PSD3: variants seen among roughly 807,000 people sequenced by gnomAD.
The protein encoded by PSD3 is PH and SEC7 domain-containing protein 3.
PSD3 carries 49 observed loss-of-function variants against 105.5 expected under a neutral mutation model. The ratio of observed to expected loss-of-function variants is 0.46; its 90% CI spans 0.37 to 0.59. The LOEUF is 0.59. PSD3 is among the 20% of genes least tolerant of loss of function. The probability of loss-of-function intolerance (pLI) is 0.00; values close to 1 mark genes in which losing one functional copy is unlikely to be tolerated. For missense variants in PSD3, 1,561 were observed against 1,263.8 expected (o/e 1.24, Z -3.57); for synonymous variants, 557 against 457.8 (o/e 1.22, Z -2.77).
intron 9 of PSD3, among the ~76,000 whole-genome samples, chr8:18,718,544 C>T (rs529138543): frequency 2.0e-4 from 31 of 152,180 alleles, no homozygotes; most frequent in Non-Finnish European, 3.2e-4. Context: ...ATTTTTAAAA[C>T]TTTACAGATT....
intron 4 of PSD3, among the ~76,000 whole-genome samples, chr8:18,844,684 T>C (rs1357534026): frequency 6.6e-6 from 1 of 152,212 alleles, no homozygotes; most frequent in Non-Finnish European, 1.5e-5. Flanking sequence ...ATGGATTGCT[T>C]TCTCAGGGAA....
chr8:18,736,154 A>C (rs565969811), intron 9 of PSD3, among the ~76,000 whole-genome samples: 1 of 152,174 alleles, frequency 6.6e-6, no homozygotes, highest in Non-Finnish European at 1.5e-5. Flanking sequence ...TATCTCACGT[A>C]ATTTCTATAA....
chr8:18,618,911 C>A (rs1045901336), intron 11 of PSD3, among the ~76,000 whole-genome samples: 3 of 152,008 alleles, frequency 2.0e-5, no homozygotes, highest in Non-Finnish European at 2.9e-5. Flanking sequence ...TGGTGGAATA[C>A]GCTTATCCAT....
chr8:18,747,115 C>T (rs765724196), intron 9 of PSD3, among the ~76,000 whole-genome samples: 2 of 152,180 alleles, frequency 1.3e-5, no homozygotes, highest in Non-Finnish European at 2.9e-5. Context: ...GCTTCTCAAA[C>T]GTAAATAATG....
chr8:18,997,462 G>A (rs1826141844), intron 1 of PSD3, among the ~76,000 whole-genome samples: 1 of 151,784 alleles, frequency 6.6e-6, no homozygotes, highest in Admixed American at 6.6e-5. Flanking sequence ...CCTCCCAACT[G>A]GTTTTCCTAC....
chr8:19,065,340 G>C (rs1350099303), intron 1 of PSD3, among the ~76,000 whole-genome samples: 1 of 152,098 alleles, frequency 6.6e-6, no homozygotes, highest in Non-Finnish European at 1.5e-5. Context: ...AATCAGCTCT[G>C]CGGTGGACAT....
At chr8:18,988,899 A>C (rs1317716514) in intron 1 of PSD3, among the ~76,000 whole-genome samples, 1 of 152,220 alleles carries the variant, frequency 6.6e-6, no homozygotes. Flanking sequence ...CGGGAATGTA[A>C]GCGCTTGCCA....
intron 10 of PSD3, among the ~76,000 whole-genome samples, chr8:18,653,226 T>C (rs1193513062): frequency 2.6e-5 from 4 of 152,210 alleles, no homozygotes; most frequent in African/African-American, 7.2e-5. Flanking sequence ...ATACTTGTGA[T>C]CATTTCATCC....
At chr8:18,568,813 G>A (rs913622886) in intron 14 of PSD3, among the ~76,000 whole-genome samples, 21 of 151,264 alleles carry the variant, frequency 1.4e-4, no homozygotes, top group Admixed American at 2.0e-4. Flanking sequence ...CCACTAACTC[G>A]TCATCTAGCA....
At chr8:18,604,263 C>A (rs1007954808) in intron 11 of PSD3, among the ~76,000 whole-genome samples, 4 of 152,198 alleles carry the variant, frequency 2.6e-5, no homozygotes, top group African/African-American at 9.6e-5. Flanking sequence ...TTACTGGGAA[C>A]TGGAGTACAA....
chr8:18,862,695 T>C (rs544270373), intron 4 of PSD3, among the ~76,000 whole-genome samples: 6 of 151,742 alleles, frequency 4.0e-5, no homozygotes, highest in Non-Finnish European at 8.8e-5. Flanking sequence ...TATATTATAT[T>C]AAAGTGACTT....
At chr8:19,081,875 G>A (rs998692037) in intron 1 of PSD3, among the ~76,000 whole-genome samples, 1 of 152,272 alleles carries the variant, frequency 6.6e-6, no homozygotes. Context: ...TAGGAATGGA[G>A]TTTCCTTCCC....
chr8:19,036,106 G>A (rs570530691), intron 1 of PSD3, among the ~76,000 whole-genome samples: 2 of 152,186 alleles, frequency 1.3e-5, no homozygotes, highest in African/African-American at 4.8e-5. Context: ...CACCACTGCT[G>A]AGCCTTTTAG....
chr8:18,663,739 T>G (rs1315480085), intron 9 of PSD3, among the ~76,000 whole-genome samples: 1 of 152,144 alleles, frequency 6.6e-6, no homozygotes, highest in Non-Finnish European at 1.5e-5. Flanking sequence ...CTTTGTAGAG[T>G]AAAGGTTTTA....
At position 18,655,664 on chromosome 8, in the gene PSD3, T is replaced by C; in HGVS notation, c.2194A>G (p.Asn732Asp). 1 of 1,613,942 alleles carries C rather than the reference T, an allele frequency of 6.2e-7. No homozygotes were observed. Among genetic ancestry groups the C allele is most frequent in the Non-Finnish European group, 8.5e-7 (1 of 1,179,880 alleles). Residue 732 changes from asparagine to aspartate, a missense_variant, in exon 10 of 16, where the codon AAT becomes GAT. Coordinates refer to ENST00000327040, the MANE Select transcript of PSD3 (RefSeq NM_015310.4). ...LLKALYNSIK[N>D]EKLEWAVDDE... ...TACACTGCCCATTCAAGCTTCTCAT[T>C]CTTGATTGAGTTGTACAGAGCCTGT...
intron 2 of PSD3, among the ~76,000 whole-genome samples, chr8:18,892,024 A>C (rs1437802844): frequency 4.6e-5 from 7 of 152,190 alleles, no homozygotes; most frequent in African/African-American, 1.4e-4. Context: ...AAAGTTTACA[A>C]AAGGGGCATT....
At chr8:18,893,481 G>A (rs969958720) in intron 2 of PSD3, among the ~76,000 whole-genome samples, 2 of 152,250 alleles carry the variant, frequency 1.3e-5, no homozygotes, top group African/African-American at 2.4e-5. Flanking sequence ...ACTCTAAGCC[G>A]TTTCTTTTTA....
chr8:18,978,607 A>C (rs1825080906), intron 1 of PSD3, among the ~76,000 whole-genome samples: 1 of 152,170 alleles, frequency 6.6e-6, no homozygotes, highest in Non-Finnish European at 1.5e-5. Context: ...CAGTAACCTC[A>C]ACATGGGGTT....
At chr8:18,698,808 G>T (rs560068383) in intron 9 of PSD3, among the ~76,000 whole-genome samples, 1 of 152,246 alleles carries the variant, frequency 6.6e-6, no homozygotes, top group East Asian at 1.9e-4. Context: ...ATTTAATTAG[G>T]ATTAAGGAGT....
Sources: gnomAD v4.1 joint callset for allele counts (sites outside exome capture counted in the v4.1 genomes callset) on GRCh38, gnomAD v4.1.1 for gene constraint, MANE v1.5 for transcripts, NCBI Gene and HGNC (gene_info 2026-07-23, HGNC 2026-07-21) for gene names.